SYNE1: variants seen among roughly 807,000 people sequenced by gnomAD.
SYNE1 encodes the protein nesprin-1.
In SYNE1, 616 loss-of-function variants were observed where a neutral mutation model predicts 1,111.0. That is an observed-to-expected ratio of 0.55 (90% CI 0.52 to 0.59). The LOEUF is 0.59. SYNE1 is among the 20% of genes least tolerant of loss of function. SYNE1 has a pLI of 0.00. For synonymous variants in SYNE1, 3,855 were observed against 3,825.8 expected, an observed-to-expected ratio of 1.01 and a Z score of -0.28; for missense variants, 10,006 against 10,417.0, an observed-to-expected ratio of 0.96 and a Z score of 1.72.
intron 117 of SYNE1, among the ~76,000 whole-genome samples, chr6:152,222,021 G>GT (rs1388629226): frequency 6.6e-6 from 1 of 152,166 alleles, no homozygotes; most frequent in Non-Finnish European, 1.5e-5. Flanking sequence ...GCCTTGTGCT[G>GT]TAACACAGGG....
At chr6:152,250,107 T>TA (rs1222355221) in intron 104 of SYNE1, among the ~76,000 whole-genome samples, 14 of 149,328 alleles carry the variant, frequency 9.4e-5, no homozygotes, top group East Asian at 2.0e-4. Context: ...ACAAAAAGTT[T>TA]AAAAAAAAAA....
rs2098603873 is a variant in SYNE1 at position 152,447,628 on chromosome 6, A to G, written c.3505-6T>C. On this transcript the variant is annotated splice_region_variant and splice_polypyrimidine_tract_variant and intron_variant, in intron 28 of 145. Coordinates refer to ENST00000367255, the MANE Select transcript of SYNE1 (RefSeq NM_182961.4). ...GTAACACCATTTCTGATCTCCTGAA[A>G]TGAGAGAACACTTTTGATGAACACA... 6.2e-7 allele frequency: 1 copy of G among 1,614,196 alleles called. No individual in the cohort carries two copies. Among genetic ancestry groups the G allele is most frequent in the Non-Finnish European group, 8.5e-7 (1 of 1,180,016 alleles).
chr6:152,133,038 C>T (rs2056228137), intron 143 of SYNE1, among the ~76,000 whole-genome samples: 1 of 152,034 alleles, frequency 6.6e-6, no homozygotes, highest in African/African-American at 2.4e-5. Flanking sequence ...GTGGTAATAG[C>T]ATTAGTAGCA....
intron 93 of SYNE1, among the ~76,000 whole-genome samples, chr6:152,296,478 T>C (rs2094889293): frequency 6.6e-6 from 1 of 152,238 alleles, no homozygotes; most frequent in African/African-American, 2.4e-5. Flanking sequence ...TCACCTAAGC[T>C]ATAAACTTGG....
intron 98 of SYNE1, among the ~76,000 whole-genome samples, chr6:152,272,768 A>C (rs1429527986): frequency 6.6e-6 from 1 of 152,238 alleles, no homozygotes; most frequent in Non-Finnish European, 1.5e-5. Flanking sequence ...AGACTTAGGA[A>C]GGTATTCCAA....
intron 3 of SYNE1, among the ~76,000 whole-genome samples, chr6:152,599,557 T>TATAA (rs2099591257): frequency 6.6e-6 from 1 of 152,212 alleles, no homozygotes; most frequent in African/African-American, 2.4e-5. Context: ...TTTTGCCTAA[T>TATAA]TTTTAGATAA....
chr6:152,601,324 G>A (rs190610742), intron 3 of SYNE1, among the ~76,000 whole-genome samples: 4 of 152,200 alleles, frequency 2.6e-5, no homozygotes, highest in Admixed American at 1.3e-4. Context: ...GCTAGGCATA[G>A]GGTTAATTTA....
At chr6:152,460,844 G>T (rs1223540326) in intron 21 of SYNE1, among the ~76,000 whole-genome samples, 1 of 110,336 alleles carries the variant, frequency 9.1e-6, no homozygotes. Flanking sequence ...AAAGAGTCTC[G>T]CCCTGTCACC....
chr6:152,211,143 T>C (rs1249015391), intron 124 of SYNE1, among the ~76,000 whole-genome samples: 1 of 152,238 alleles, frequency 6.6e-6, no homozygotes, highest in East Asian at 1.9e-4. Context: ...AAAATTTCTG[T>C]AATTATATAA....
intron 86 of SYNE1, among the ~76,000 whole-genome samples, chr6:152,317,363 GGCACGT>G (rs1257173554): frequency 6.6e-6 from 1 of 151,578 alleles, no homozygotes; most frequent in Non-Finnish European, 1.5e-5. Flanking sequence ...TGGGACCACA[GGCACGT>G]GCCAACCATG....
chr6:152,201,456 T>C (rs1348835548), intron 127 of SYNE1, among the ~76,000 whole-genome samples: 2 of 152,028 alleles, frequency 1.3e-5, no homozygotes, highest in Non-Finnish European at 2.9e-5. Flanking sequence ...GTCTGCAGAT[T>C]TTCCAGGCTG....
At chr6:152,615,849 G>A (rs998991028) in intron 3 of SYNE1, among the ~76,000 whole-genome samples, 1 of 152,124 alleles carries the variant, frequency 6.6e-6, no homozygotes, top group Non-Finnish European at 1.5e-5. Flanking sequence ...ACAGACACAA[G>A]AGCAAAGCAC....
At chr6:152,349,457 C>A (rs865785240) in intron 72 of SYNE1, among the ~76,000 whole-genome samples, 27 of 152,186 alleles carry the variant, frequency 1.8e-4, no homozygotes, top group African/African-American at 5.5e-4. Context: ...AGTTGTCTCT[C>A]CAGGAAGGGG....
chr6:152,494,731 T>C, intron 11 of SYNE1, among the ~76,000 whole-genome samples: 1 of 152,206 alleles, frequency 6.6e-6, no homozygotes, highest in East Asian at 1.9e-4. Context: ...CCTCCATCGT[T>C]AATGACTCTT....
chr6:152,461,212 T>C (rs1463936817), intron 21 of SYNE1, among the ~76,000 whole-genome samples: 1 of 152,162 alleles, frequency 6.6e-6, no homozygotes, highest in East Asian at 1.9e-4. Context: ...CAAATAAGTT[T>C]GGAGTGGAGA....
chr6:152,407,823 G>T (rs1174904186), intron 44 of SYNE1, among the ~76,000 whole-genome samples: 1 of 148,154 alleles, frequency 6.7e-6, no homozygotes, highest in African/African-American at 2.5e-5. Flanking sequence ...GCGCAGTGGT[G>T]CGATCTCAGC....
chr6:152,241,527 T>TGTGTGTGTGTGTGTGTGA (rs59737931), intron 107 of SYNE1, among the ~76,000 whole-genome samples: 12,194 of 144,898 alleles, frequency 0.084, 878 homozygotes, highest in African/African-American at 0.18. Context: ...TGTGTGTGTG[T>TGTGTGTGTGTGTGTGTGA]GTGAAATACG....
chr6:152,441,343 A>C, intron 31 of SYNE1, 73 bp from the exon 32 acceptor site: 2 of 1,495,098 alleles, frequency 1.3e-6, no homozygotes, highest in South Asian at 2.4e-5. Context: ...ATTCGTTTGC[A>C]AAACTGTCAA....
In SYNE1 at chr6:152,417,140, A is replaced by G. The variant is rs2098167002; in HGVS notation, c.5422-125T>C. The G allele has an allele frequency of 1.8e-5, 25 of 1,366,440 alleles. 2 individuals are homozygous for G. The South Asian group carries it at 3.1e-4, about 17-fold the overall frequency. 84.6% of individuals were successfully genotyped at this position (1,366,440 alleles called of 1,614,324 possible). A position where few individuals can be genotyped will look rare whatever the true frequency, so the allele number is the denominator to read the frequency against. On this transcript the variant is annotated intron_variant, in intron 40 of 145. Transcript: ENST00000367255. ...ATGGATAGTATAGTACTTAAAGGTC[A>G]TCTACAGTGAATCTTAGAAAATTCA...
Sources: gnomAD v4.1 joint callset for allele counts (sites outside exome capture counted in the v4.1 genomes callset) on GRCh38, gnomAD v4.1.1 for gene constraint, MANE v1.5 for transcripts, NCBI Gene and HGNC (gene_info 2026-07-23, HGNC 2026-07-21) for gene names.